Variants in MXRA8 observed in about 807,000 individuals in gnomAD.
MXRA8 encodes matrix remodeling-associated protein 8.
In MXRA8, 44 loss-of-function variants were observed where a neutral mutation model predicts 51.4. The observed-to-expected ratio is 0.86, with a 90% CI of 0.67 to 1.10. The LOEUF (loss-of-function observed/expected upper bound fraction) is 1.10, where lower values mean the gene tolerates loss of function less well. Ranked by LOEUF, MXRA8 falls within the 50% of genes least tolerant of loss-of-function variation. The probability of loss-of-function intolerance (pLI) is 0.00; values close to 1 mark genes in which losing one functional copy is unlikely to be tolerated. For synonymous variants in MXRA8, 369 were observed against 293.5 expected, an observed-to-expected ratio of 1.26 and a Z score of -2.63; for missense variants, 765 against 638.9, an observed-to-expected ratio of 1.20 and a Z score of -2.13.
At chr1:1,359,356 T>C, upstream of MXRA8, 5 of 985,436 alleles carry the variant, frequency 5.1e-6, no homozygotes, top group South Asian at 4.7e-5. Flanking sequence ...AATTTGAAAC[T>C]GTGGGAAAAC....
At position 1,358,450 on chromosome 1, in the gene MXRA8, A is replaced by T. The variant is rs767429337; in HGVS notation, c.49+6T>A. The T allele has an allele frequency of 5.0e-6, 8 of 1,602,378 alleles. No individual in the cohort carries two copies. In the Admixed American group the frequency reaches 5.0e-5, roughly 10 times the overall value. ...CCCCACCCGCCTCCCAGGGCCCCAC[A>T]CTCACTCTGCAGAAGCACAAGTTTC... is the stretch of plus-strand genomic sequence containing the variant. On this transcript the variant is annotated splice_donor_region_variant and intron_variant, in intron 1 of 9. Coordinates refer to ENST00000309212, the MANE Select transcript of MXRA8 (RefSeq NM_032348.4).
At chr1:1,355,868 G>T in intron 2 of MXRA8, 116 bp from the exon 3 acceptor site, 1 of 725,228 alleles carries the variant, frequency 1.4e-6, no homozygotes, top group Non-Finnish European at 1.8e-6. Flanking sequence ...TAAGGGACGG[G>T]CAGGACCAGA....
rs1467803282 is a variant in MXRA8 at position 1,353,918 on chromosome 1, G to A, written c.1233C>T (p.Asn411=). 1 of 1,609,866 alleles carries A rather than the reference G, an allele frequency of 6.2e-7. No homozygotes were observed. Among genetic ancestry groups the A allele is most frequent in the Non-Finnish European group, 8.5e-7 (1 of 1,178,312 alleles). The change falls in exon 9 of 10, where the codon AAC becomes AAT. Residue 411 remains asparagine, a synonymous_variant. Transcript: ENST00000309212. The part of the protein sequence containing the change: ...RSEDIQLDYK[N]NILKERAELA... ...GCTCCGCCCTCTCCTTCAGGATGTT[G>A]TTTTTGTAATCTGTGGGAGGAGAGG...
chr1:1,363,337 G>A (rs936431035), upstream of MXRA8, among the ~76,000 whole-genome samples: 2 of 152,172 alleles, frequency 1.3e-5, no homozygotes, highest in South Asian at 2.1e-4. Context: ...GAAGGGCAGT[G>A]GTGCAAACAT....
chr1:1,354,673 C>A lies in MXRA8; in HGVS notation c.949+9G>T, dbSNP rs1017761271. The A allele has an allele frequency of 1.3e-6, 2 of 1,560,528 alleles. No individual in the cohort carries two copies. Among genetic ancestry groups the A allele is most frequent in the Non-Finnish European group, 1.7e-6 (2 of 1,155,220 alleles). Reference sequence around the variant, plus strand: ...CCGCCTTCCCGGGTCCCAGGGAGGCCTCCTTCACCTGGGCCTGGGGCGCCG... The same window carrying A: ...CCGCCTTCCCGGGTCCCAGGGAGGCATCCTTCACCTGGGCCTGGGGCGCCG... On this transcript the variant is annotated intron_variant, in intron 5 of 9. Coordinates refer to ENST00000309212, the MANE Select transcript of MXRA8 (RefSeq NM_032348.4).
Position 1,353,143 on chromosome 1 carries a change from A to G in MXRA8, c.*461T>C. 2.3e-6 allele frequency: 2 copies of G among 856,070 alleles called. No individual in the cohort carries two copies. Among genetic ancestry groups the G allele is most frequent in the Non-Finnish European group, 3.8e-6 (2 of 527,466 alleles). The allele number at this position is 856,070 out of a possible 1,614,324, so 53.0% of individuals were successfully genotyped here. ...TGGGACTCCTGCCGAGGCTGACCCC[A>G]ACTTCAAGGCTGCCAAGTTCTGATG... On this transcript the variant is annotated 3_prime_UTR_variant, in exon 10 of 10. Coordinates refer to ENST00000309212, the MANE Select transcript of MXRA8 (RefSeq NM_032348.4).
chr1:1,356,746 CA>C, intron 1 of MXRA8, 42 bp from the exon 2 acceptor site: 1 of 1,354,038 alleles, frequency 7.4e-7, no homozygotes. Context: ...CCCACAGCCC[CA>C]CCCAGCCCCG....
chr1:1,361,786 G>A (rs898774768), upstream of MXRA8: 4 of 165,060 alleles, frequency 2.4e-5, no homozygotes, highest in East Asian at 1.7e-4. Flanking sequence ...TTTCTCCTAC[G>A]GCCTTTGGAT....
chr1:1,354,791 G>A lies in MXRA8; in HGVS notation c.840C>T (p.Gly280=), dbSNP rs138606719. 9.9e-6 allele frequency: 16 copies of A among 1,612,120 alleles called. No individual in the cohort carries two copies. The highest frequency in any genetic ancestry group is 2.7e-5 in the African/African-American group (2 of 74,892). Residue 280 remains glycine (G), a synonymous_variant, in exon 5 of 10, where the codon GGC becomes GGT. Coordinates refer to ENST00000309212, the MANE Select transcript of MXRA8 (RefSeq NM_032348.4). ...GGTGGAAGACGCGGCGTTCGTGCAGGCCACAGTAATGGTGGTGCAGGTGGC... is the reference window on the plus strand; with the variant it reads ...GGTGGAAGACGCGGCGTTCGTGCAGACCACAGTAATGGTGGTGCAGGTGGC... ...YSCHLHHHYC[G]LHERRVFHLT...
In MXRA8 at chr1:1,358,485, A is replaced by G; in HGVS notation, c.20T>C (p.Ile7Thr). The change falls in exon 1 of 10, where the codon ATC becomes ACC. Residue 7 changes from isoleucine (I) to threonine (T), a missense_variant. Physicochemically the swap from Ile to Thr is moderately conservative, Grantham distance 89. Transcript: ENST00000309212. The part of the protein sequence containing the change: MALPSR[I>T]LLWKLVLLQS... ...CAGAAGCACAAGTTTCCAAAGCAGG[A>G]TTCGGGATGGCAGCGCCATGGCCCC... The G allele has an allele frequency of 6.2e-7, 1 of 1,613,056 alleles. No individual in the cohort carries two copies. Among genetic ancestry groups the G allele is most frequent in the Non-Finnish European group, 8.5e-7 (1 of 1,179,596 alleles).
Position 1,353,468 on chromosome 1 carries a change from A to G in MXRA8, c.*136T>C, listed in dbSNP as rs1644043676. 2.0e-6 allele frequency: 3 copies of G among 1,506,448 alleles called. No homozygotes were observed. The highest frequency in any genetic ancestry group is 2.7e-6 in the Non-Finnish European group (3 of 1,125,356). 93.3% of individuals were successfully genotyped at this position (1,506,448 alleles called of 1,614,324 possible). ...AGAGGGGTGTGGAGGCGGCCTCTGC[A>G]TACGCCCAGGCCAAATTCCAGGAAA... is the stretch of plus-strand genomic sequence containing the variant. On this transcript the variant is annotated 3_prime_UTR_variant, in exon 10 of 10. Transcript: ENST00000309212.
In MXRA8 at chr1:1,357,844, C is replaced by T. The variant is rs2765028; in HGVS notation, c.49+612G>A. Among the ~76,000 whole-genome samples, 637 of 152,292 alleles carry T rather than the reference C, an allele frequency of 4.2e-3. 9 individuals carry two copies. The highest frequency in any genetic ancestry group is 0.014 in the African/African-American group (591 of 41,554). ...CCCTGAGGGAAACCTGTATGCAGAA[C>T]GCCCTGATCCCAATAAAGGGTTGGC... On this transcript the variant is annotated intron_variant, in intron 1 of 9. Transcript: ENST00000309212.
At chr1:1,356,492 C>G (rs1377219195) in intron 2 of MXRA8, among the ~76,000 whole-genome samples, 189 bp downstream of exon 2, 1 of 93,904 alleles carries the variant, frequency 1.1e-5, no homozygotes, top group Non-Finnish European at 2.1e-5. Flanking sequence ...CCCAAGGGCC[C>G]TGGTAGGGGA....
chr1:1,354,038 A>G lies in MXRA8; in HGVS notation c.1214T>C (p.Ile405Thr). Residue 405 changes from isoleucine to threonine, a missense_variant, in exon 8 of 10, where the codon ATC becomes ACC. Coordinates refer to ENST00000309212, the MANE Select transcript of MXRA8 (RefSeq NM_032348.4). ...TCCCAGCACTGCCTCACCTAGCTGG[A>G]TGTCCTCACTCCTGTAAAGCATCTG... ...GDQMLYRSED[I>T]QLDYKNNILK... is the part of the protein sequence containing the mutation. 1 of 1,612,858 alleles carries G rather than the reference A, an allele frequency of 6.2e-7. No homozygotes were observed. The highest frequency in any genetic ancestry group is 2.2e-5 in the East Asian group (1 of 44,884).
At chr1:1,360,157 C>T (rs905669173), upstream of MXRA8, among the ~76,000 whole-genome samples, 2 of 152,196 alleles carry the variant, frequency 1.3e-5, no homozygotes, top group Non-Finnish European at 2.9e-5. Flanking sequence ...GGCCAGGGCT[C>T]GCCTCACTCT....
rs1480196248 is a variant in MXRA8, at chr1:1,355,456, T to A, written c.370A>T (p.Ile124Phe). 1 of 1,502,328 alleles carries A rather than the reference T, an allele frequency of 6.7e-7. No homozygotes were observed. Among genetic ancestry groups the A allele is most frequent in the South Asian group, 1.2e-5 (1 of 80,190 alleles). 93.1% of individuals were successfully genotyped at this position (1,502,328 alleles called of 1,614,324 possible). The stretch of plus-strand genomic sequence containing the variant: ...CGGTCCCCGGTCCCCGCACCGCGGA[T>A]GAGCAGCGAGAAGTTGCCGTCGTCG... ...AFDDGNFSLL[I>F]RAVEETDAGL... The change falls in exon 3 of 10, where the codon ATC becomes TTC. Residue 124 changes from isoleucine (I) to phenylalanine (F), a missense_variant. Transcript: ENST00000309212.
rs1644062791 is a variant in MXRA8 at position 1,354,024 on chromosome 1, C to G, written c.1222+6G>C. The G allele has an allele frequency of 1.2e-6, 2 of 1,612,708 alleles. No homozygotes were observed. The highest frequency in any genetic ancestry group is 1.3e-5 in the African/African-American group (1 of 74,944). On this transcript the variant is annotated splice_donor_region_variant and intron_variant, in intron 8 of 9. Coordinates refer to ENST00000309212, the MANE Select transcript of MXRA8 (RefSeq NM_032348.4). ...CCTGTGCCCTCGTGTCCCAGCACTG[C>G]CTCACCTAGCTGGATGTCCTCACTC...
upstream of MXRA8, chr1:1,359,097 TC>T (rs776649103): frequency 2.8e-5 from 28 of 985,266 alleles, no homozygotes; most frequent in Non-Finnish European, 3.1e-5. Flanking sequence ...CACGGTGGGC[TC>T]CCTTGGGCCA....
At chr1:1,354,143 G>A (rs1411631501) in intron 7 of MXRA8, 37 bp from the exon 8 acceptor site, 5 of 1,612,790 alleles carry the variant, frequency 3.1e-6, no homozygotes, top group South Asian at 2.2e-5. Context: ...ACAGCTGGGT[G>A]GGGTGAAGGG....
Sources: gnomAD v4.1 joint callset for allele counts (sites outside exome capture counted in the v4.1 genomes callset) on GRCh38, gnomAD v4.1.1 for gene constraint, MANE v1.5 for transcripts, NCBI Gene and HGNC (gene_info 2026-07-23, HGNC 2026-07-21) for gene names.